GRIK2: variants seen among roughly 807,000 people sequenced by gnomAD.
GRIK2 encodes glutamate ionotropic receptor kainate type subunit 2.
Under a neutral mutation model 100.3 loss-of-function variants are expected in GRIK2, and 32 were observed. The ratio of observed to expected loss-of-function variants is 0.32; its 90% CI spans 0.24 to 0.43. The LOEUF (loss-of-function observed/expected upper bound fraction) is 0.43, where lower values mean the gene tolerates loss of function less well. Ranked by LOEUF, GRIK2 falls within the 20% of genes least tolerant of loss-of-function variation. The pLI, the probability that GRIK2 is intolerant of heterozygous loss-of-function variation, is 1.00. For synonymous variants in GRIK2, 417 were observed against 389.4 expected, an observed-to-expected ratio of 1.07 and a Z score of -0.83; for missense variants, 843 against 1,114.9, an observed-to-expected ratio of 0.76 and a Z score of 3.47.
chr6:102,025,565 C>T (rs150365118), intron 14 of GRIK2, among the ~76,000 whole-genome samples: 3 of 151,160 alleles, frequency 2.0e-5, no homozygotes, highest in Admixed American at 6.6e-5. Flanking sequence ...AAAATGCATT[C>T]CAGCTAGAGA....
chr6:101,783,419 T>G (rs1417333384), intron 7 of GRIK2, among the ~76,000 whole-genome samples: 1 of 152,174 alleles, frequency 6.6e-6, no homozygotes, highest in African/African-American at 2.4e-5. Flanking sequence ...CATGCGGAAC[T>G]GTGAGTCAAT....
intron 7 of GRIK2, among the ~76,000 whole-genome samples, chr6:101,762,938 G>A (rs1488280651): frequency 6.6e-6 from 1 of 152,118 alleles, no homozygotes; most frequent in Non-Finnish European, 1.5e-5. Flanking sequence ...TGAATCATCA[G>A]ACTTAAGAGC....
At chr6:101,411,574 T>C (rs1775884633) in intron 2 of GRIK2, among the ~76,000 whole-genome samples, 1 of 152,100 alleles carries the variant, frequency 6.6e-6, no homozygotes, top group Admixed American at 6.6e-5. Flanking sequence ...TTTTTGACCT[T>C]TAAGTTTATG....
At chr6:101,661,977 T>G (rs1769654561) in intron 4 of GRIK2, among the ~76,000 whole-genome samples, 1 of 152,156 alleles carries the variant, frequency 6.6e-6, no homozygotes, top group Admixed American at 6.5e-5. Context: ...TCTTAATTTC[T>G]TCAGTGATTT....
At chr6:101,592,820 G>A (rs1239167561) in intron 2 of GRIK2, among the ~76,000 whole-genome samples, 1 of 151,212 alleles carries the variant, frequency 6.6e-6, no homozygotes. Context: ...GTCTCATTGA[G>A]AGATGAGAAA....
intron 14 of GRIK2, among the ~76,000 whole-genome samples, chr6:101,938,866 A>T (rs1433658867): frequency 6.6e-6 from 1 of 152,064 alleles, no homozygotes; most frequent in African/African-American, 2.4e-5. Flanking sequence ...ATGTACTTTT[A>T]CATTTCCTGA....
chr6:101,456,066 G>A (rs988564967), intron 2 of GRIK2, among the ~76,000 whole-genome samples: 11 of 151,240 alleles, frequency 7.3e-5, no homozygotes, highest in African/African-American at 2.4e-4. Flanking sequence ...GGCAGGTCTT[G>A]GGGGTCCTGG....
At chr6:101,406,141 G>C (rs570142785) in intron 2 of GRIK2, among the ~76,000 whole-genome samples, 8 of 152,236 alleles carry the variant, frequency 5.3e-5, no homozygotes, top group African/African-American at 1.9e-4. Flanking sequence ...CAAAGTGACA[G>C]TTACCTAACC....
intron 15 of GRIK2, among the ~76,000 whole-genome samples, chr6:102,040,001 A>G (rs978031223): frequency 6.6e-6 from 1 of 151,464 alleles, no homozygotes; most frequent in Non-Finnish European, 1.5e-5. Flanking sequence ...GTAATTTTCT[A>G]TAATTTCAGT....
chr6:101,760,319 ATATT>A (rs1777428579), intron 7 of GRIK2, among the ~76,000 whole-genome samples: 1 of 126,118 alleles, frequency 7.9e-6, no homozygotes, highest in African/African-American at 3.0e-5. Context: ...TTAAATATAT[ATATT>A]TAATTATATA....
chr6:102,029,493 A>T (rs1769873538), intron 14 of GRIK2, among the ~76,000 whole-genome samples: 1 of 151,188 alleles, frequency 6.6e-6, no homozygotes, highest in African/African-American at 2.4e-5. Context: ...CCTTTTCTTT[A>T]ACTTGTACAG....
intron 4 of GRIK2, among the ~76,000 whole-genome samples, chr6:101,658,327 G>C: frequency 6.6e-6 from 1 of 152,132 alleles, no homozygotes; most frequent in East Asian, 1.9e-4. Context: ...TCTTGTGTTA[G>C]TTTGCTGAGA....
At chr6:101,683,464 C>T (rs1771440806) in intron 6 of GRIK2, among the ~76,000 whole-genome samples, 1 of 152,086 alleles carries the variant, frequency 6.6e-6, no homozygotes, top group African/African-American at 2.4e-5. Context: ...GAAAATCTGA[C>T]TTTAACCTGT....
At chr6:101,798,874 A>G (rs889505445) in intron 7 of GRIK2, among the ~76,000 whole-genome samples, 3 of 152,122 alleles carry the variant, frequency 2.0e-5, no homozygotes, top group African/African-American at 7.2e-5. Context: ...TTTTTTTATC[A>G]TCAACCTCCA....
intron 7 of GRIK2, among the ~76,000 whole-genome samples, chr6:101,699,698 C>T (rs1772746391): frequency 6.6e-6 from 1 of 152,040 alleles, no homozygotes; most frequent in Non-Finnish European, 1.5e-5. Context: ...AGAGCAGTGT[C>T]TATAAATCCA....
chr6:101,735,953 G>A (rs1775605413), intron 7 of GRIK2, among the ~76,000 whole-genome samples: 1 of 152,198 alleles, frequency 6.6e-6, no homozygotes, highest in South Asian at 2.1e-4. Flanking sequence ...TAAAATGGTG[G>A]TACAGGCATT....
intron 12 of GRIK2, among the ~76,000 whole-genome samples, chr6:101,923,252 T>C (rs1562489540): frequency 6.6e-6 from 1 of 152,208 alleles, no homozygotes; most frequent in Non-Finnish European, 1.5e-5. Context: ...AGATTTTTTT[T>C]AATGCTTTCA....
chr6:101,788,517 T>C (rs1445715599), intron 7 of GRIK2, among the ~76,000 whole-genome samples: 1 of 152,214 alleles, frequency 6.6e-6, no homozygotes, highest in East Asian at 1.9e-4. Context: ...ATTTCATCCA[T>C]GTCCCTACAA....
At chr6:101,958,236 A>C (rs1349026523) in intron 14 of GRIK2, among the ~76,000 whole-genome samples, 2 of 38,908 alleles carry the variant, frequency 5.1e-5, no homozygotes, top group Non-Finnish European at 1.3e-4. Flanking sequence ...TACTTGTTTA[A>C]ATGTATTGCT....
Sources: gnomAD v4.1 joint callset for allele counts (sites outside exome capture counted in the v4.1 genomes callset) on GRCh38, gnomAD v4.1.1 for gene constraint, MANE v1.5 for transcripts, NCBI Gene and HGNC (gene_info 2026-07-23, HGNC 2026-07-21) for gene names.